The following CDK6 variants were observed in gnomAD, a reference collection of about 807,000 sequenced individuals.
CDK6 encodes cyclin-dependent kinase 6.
Under a neutral mutation model 37.1 loss-of-function variants are expected in CDK6, and 6 were observed. That is an observed-to-expected ratio of 0.16 (90% confidence interval 0.09 to 0.32). The LOEUF is 0.32. CDK6 is among the 10% of genes least tolerant of loss of function. The pLI is 1.00. For missense variants in CDK6, 224 were observed against 418.9 expected, an observed-to-expected ratio of 0.53 and a Z score of 4.06; for synonymous variants, 160 against 161.3, an observed-to-expected ratio of 0.99 and a Z score of 0.06.
chr7:92,788,813 G>A (rs1800208945), intron 2 of CDK6, among the ~76,000 whole-genome samples: 1 of 152,128 alleles, frequency 6.6e-6, no homozygotes, highest in Non-Finnish European at 1.5e-5. Flanking sequence ...CAGTGGGATG[G>A]CAATTTGGAA....
chr7:92,831,330 C>T (rs528025052), intron 2 of CDK6, among the ~76,000 whole-genome samples: 1 of 152,266 alleles, frequency 6.6e-6, no homozygotes, highest in Non-Finnish European at 1.5e-5. Context: ...TACAGGGGTG[C>T]CTCTGTAGTA....
At chr7:92,737,282 C>A (rs527766578) in intron 3 of CDK6, among the ~76,000 whole-genome samples, 1 of 152,300 alleles carries the variant, frequency 6.6e-6, no homozygotes, top group Admixed American at 6.5e-5. Flanking sequence ...CTATTAAGAT[C>A]AACAAACACA....
At chr7:92,651,606 G>T (rs1383485785) in intron 5 of CDK6, among the ~76,000 whole-genome samples, 3 of 152,186 alleles carry the variant, frequency 2.0e-5, no homozygotes, top group Non-Finnish European at 4.4e-5. Flanking sequence ...ATAATGAATT[G>T]CTCTAGACCA....
intron 4 of CDK6, among the ~76,000 whole-genome samples, chr7:92,722,327 A>G (rs1365424311): frequency 1.3e-5 from 2 of 152,220 alleles, no homozygotes; most frequent in African/African-American, 4.8e-5. Flanking sequence ...AATAAGTAAA[A>G]TTACAATAAT....
Position 92,833,868 on chromosome 7 carries a change from G to C in CDK6, c.-367-178C>G. 2.5e-6 allele frequency: 1 copy of C among 398,978 alleles called. No individual in the cohort carries two copies. The highest frequency in any genetic ancestry group is 4.4e-6 in the Non-Finnish European group (1 of 226,368). 24.7% of individuals were successfully genotyped at this position (398,978 alleles called of 1,614,324 possible). A position where few individuals can be genotyped will look rare whatever the true frequency, so the allele number is the denominator to read the frequency against. On this transcript the variant is annotated intron_variant, in intron 1 of 7. Coordinates refer to ENST00000424848, the MANE Select transcript of CDK6 (RefSeq NM_001145306.2). This position sits in a 1 kb window ranked among gnomAD's most constrained non-coding sequence, Gnocchi z 6.1. ...TCCTGGTTCCTCCGAGAAAAGCGAA[G>C]TTACTTTTCTTTCCCTGCAGGGCTG...
rs73416990 is a variant in CDK6 at position 92,833,901 on chromosome 7, C to T, written c.-367-211G>A. Reference sequence around the variant, plus strand: ...TCTTTCCCTGCAGGGCTGAAGCCGTCTTCGCGCGGAGAGGTTGCAGGGGCC... The same window carrying T: ...TCTTTCCCTGCAGGGCTGAAGCCGTTTTCGCGCGGAGAGGTTGCAGGGGCC... On this transcript the variant is annotated intron_variant, in intron 1 of 7. Transcript: ENST00000424848. This position sits in a 1 kb window ranked among gnomAD's most constrained non-coding sequence, Gnocchi z 6.1. 814 of 398,844 alleles carry T rather than the reference C, an allele frequency of 2.0e-3. 4 individuals carry two copies. Among genetic ancestry groups the T allele is most frequent in the African/African-American group, 0.015 (720 of 48,692 alleles). The allele number at this position is 398,844 out of a possible 1,614,324, so 24.7% of individuals were successfully genotyped here. A position where few individuals can be genotyped will look rare whatever the true frequency, so the allele number is the denominator to read the frequency against.
At chr7:92,783,665 G>A (rs2115826060) in intron 2 of CDK6, among the ~76,000 whole-genome samples, 1 of 152,184 alleles carries the variant, frequency 6.6e-6, no homozygotes, top group South Asian at 2.1e-4. Flanking sequence ...TTTTACATGT[G>A]GAATGGGAAT....
At chr7:92,830,591 T>C (rs1043066635) in intron 2 of CDK6, among the ~76,000 whole-genome samples, 3 of 152,238 alleles carry the variant, frequency 2.0e-5, no homozygotes, top group Non-Finnish European at 4.4e-5. Flanking sequence ...CAACTGTCCT[T>C]ATTTCCTGAC....
intron 2 of CDK6, among the ~76,000 whole-genome samples, chr7:92,797,579 G>A (rs1800446933): frequency 6.6e-6 from 1 of 152,082 alleles, no homozygotes; most frequent in Non-Finnish European, 1.5e-5. Flanking sequence ...TGTTCTGACT[G>A]CCTCTTAAAA....
At chr7:92,708,100 GA>G (rs1562942090) in intron 4 of CDK6, among the ~76,000 whole-genome samples, 1 of 151,902 alleles carries the variant, frequency 6.6e-6, no homozygotes, top group Non-Finnish European at 1.5e-5. Context: ...AAAAAGGGCT[GA>G]AAAAAAATTT....
chr7:92,752,596 CGTAA>C (rs1466364002), intron 3 of CDK6, among the ~76,000 whole-genome samples: 3 of 152,132 alleles, frequency 2.0e-5, no homozygotes, highest in Non-Finnish European at 4.4e-5. Context: ...CATGTTTAAA[CGTAA>C]GTGTTTTCAA....
chr7:92,829,014 T>C (rs1444530177), intron 2 of CDK6, among the ~76,000 whole-genome samples: 5 of 152,154 alleles, frequency 3.3e-5, no homozygotes, highest in Admixed American at 3.3e-4. Flanking sequence ...AAATGTATTA[T>C]TCAACCACAC....
chr7:92,644,937 T>TG (rs1562922619), intron 5 of CDK6, among the ~76,000 whole-genome samples: 2 of 152,106 alleles, frequency 1.3e-5, no homozygotes, highest in African/African-American at 4.8e-5. Context: ...CAGTGCTGCA[T>TG]GTCCAAAGAG....
At chr7:92,679,643 T>C (rs912594371) in intron 4 of CDK6, among the ~76,000 whole-genome samples, 6 of 152,362 alleles carry the variant, frequency 3.9e-5, no homozygotes, top group African/African-American at 1.2e-4. Flanking sequence ...TTTCTCCCTA[T>C]AGAAAACTAG....
intron 2 of CDK6, among the ~76,000 whole-genome samples, chr7:92,811,828 A>T (rs958087730): frequency 4.6e-5 from 7 of 152,196 alleles, no homozygotes; most frequent in Admixed American, 4.6e-4. Context: ...GAGAGGAATA[A>T]GTAAGGCAAC....
intron 2 of CDK6, among the ~76,000 whole-genome samples, chr7:92,800,372 T>C (rs1348644163): frequency 6.6e-6 from 1 of 152,216 alleles, no homozygotes; most frequent in Non-Finnish European, 1.5e-5. Flanking sequence ...ATACGATGTG[T>C]CTGTTTCTTT....
intron 4 of CDK6, among the ~76,000 whole-genome samples, chr7:92,700,489 T>C (rs920395616): frequency 6.6e-6 from 1 of 152,142 alleles, no homozygotes; most frequent in African/African-American, 2.4e-5. Context: ...CTAGGATAAG[T>C]CCCAGGTTTC....
intron 4 of CDK6, among the ~76,000 whole-genome samples, chr7:92,685,220 T>A (rs1797421534): frequency 6.6e-6 from 1 of 152,232 alleles, no homozygotes; most frequent in Admixed American, 6.5e-5. Context: ...TAAAATTGTC[T>A]CAGTTTCTAG....
chr7:92,815,770 G>C (rs1325992595), intron 2 of CDK6, among the ~76,000 whole-genome samples: 1 of 152,162 alleles, frequency 6.6e-6, no homozygotes, highest in African/African-American at 2.4e-5. Flanking sequence ...TCTACATGGG[G>C]TCTATTGAGT....
Sources: allele counts gnomAD v4.1 joint callset (sites outside exome capture counted in the v4.1 genomes callset), GRCh38; gene constraint gnomAD v4.1.1; non-coding constraint Gnocchi (gnomAD v3.1); transcripts MANE v1.5; gene names NCBI Gene and HGNC (gene_info 2026-07-23, HGNC 2026-07-21).